The following FGF14 variants were observed in gnomAD, a reference collection of about 807,000 sequenced individuals.
The protein encoded by FGF14 is fibroblast growth factor 14, also known as fibroblast growth factor homologous factor 4.
In FGF14, 5 loss-of-function variants were observed where a neutral mutation model predicts 25.5. The observed-to-expected ratio is 0.20, with a 90% confidence interval of 0.10 to 0.41. The LOEUF (loss-of-function observed/expected upper bound fraction) is 0.41. Among genes scored for constraint, FGF14 ranks in the 10% least tolerant of loss-of-function variants. The pLI is 1.00. For missense variants in FGF14, 222 were observed against 320.1 expected, an observed-to-expected ratio of 0.69 and a Z score of 2.34; for synonymous variants, 138 against 118.3, an observed-to-expected ratio of 1.17 and a Z score of -1.08.
At chr13:102,304,236 C>T (rs746609133) in intron 1 of FGF14, among the ~76,000 whole-genome samples, 2 of 152,070 alleles carry the variant, frequency 1.3e-5, no homozygotes, top group East Asian at 1.9e-4. Flanking sequence ...CTGAACCCCA[C>T]GAACTTCTTG....
At chr13:101,952,786 T>G (rs764613261) in intron 1 of FGF14, among the ~76,000 whole-genome samples, 13 of 152,212 alleles carry the variant, frequency 8.5e-5, no homozygotes, top group Non-Finnish European at 1.8e-4. Context: ...ATCCCAGCAC[T>G]TTAGGAGGCC....
intron 1 of FGF14, among the ~76,000 whole-genome samples, chr13:102,313,205 G>C (rs2055857582): frequency 6.6e-6 from 1 of 152,210 alleles, no homozygotes; most frequent in African/African-American, 2.4e-5. Context: ...CTGTGGGCAG[G>C]GCACTGCTCC....
intron 3 of FGF14, among the ~76,000 whole-genome samples, chr13:101,862,557 A>G (rs2044478916): frequency 6.6e-6 from 1 of 152,134 alleles, no homozygotes; most frequent in Non-Finnish European, 1.5e-5. Flanking sequence ...AGTTAAATGC[A>G]GTTTACTAGC....
At chr13:102,102,270 G>A (rs984297579) in intron 1 of FGF14, among the ~76,000 whole-genome samples, 6 of 152,106 alleles carry the variant, frequency 3.9e-5, no homozygotes, top group Non-Finnish European at 7.4e-5. Context: ...GTTTCTTGTC[G>A]AAAGTCACCA....
intron 1 of FGF14, among the ~76,000 whole-genome samples, chr13:102,278,999 G>C (rs1485593077): frequency 6.6e-6 from 1 of 152,082 alleles, no homozygotes; most frequent in African/African-American, 2.4e-5. Context: ...ATATATATTT[G>C]ACATATATGA....
intron 3 of FGF14, among the ~76,000 whole-genome samples, chr13:101,782,279 T>A (rs2140035720): frequency 6.6e-6 from 1 of 152,374 alleles, no homozygotes; most frequent in Non-Finnish European, 1.5e-5. Context: ...TATGTCTATA[T>A]ATTGCACTTA....
At chr13:102,178,194 C>A (rs575547934) in intron 1 of FGF14, among the ~76,000 whole-genome samples, 2 of 152,198 alleles carry the variant, frequency 1.3e-5, no homozygotes, top group East Asian at 3.9e-4. Flanking sequence ...AAGCCACTGA[C>A]AACAGTGGGA....
Position 101,712,359 on chromosome 13 carries a change from A to C in FGF14, c.*10472T>G, listed in dbSNP as rs1025208290. ...CTGGAATTTACTCATCAAATGTTCT[A>C]TCCATATATGCCATATTAGCTTTAG... On this transcript the variant is annotated 3_prime_UTR_variant, in exon 5 of 5. Coordinates refer to ENST00000376143, the MANE Select transcript of FGF14 (RefSeq NM_004115.4). 6.6e-6 allele frequency: 1 copy of C among 152,210 alleles called. No homozygotes were observed. Among genetic ancestry groups the C allele is most frequent in the Non-Finnish European group, 1.5e-5 (1 of 68,028 alleles). 9.4% of individuals were successfully genotyped at this position (152,210 alleles called of 1,614,324 possible). A position where few individuals can be genotyped will look rare whatever the true frequency, so the allele number is the denominator to read the frequency against.
chr13:102,343,769 GT>G (rs1362365493), intron 1 of FGF14, among the ~76,000 whole-genome samples: 1 of 152,104 alleles, frequency 6.6e-6, no homozygotes, highest in African/African-American at 2.4e-5. Flanking sequence ...AGGTTAATAT[GT>G]TTTTTAATAT....
At chr13:101,805,168 T>C (rs2041124540) in intron 3 of FGF14, among the ~76,000 whole-genome samples, 1 of 152,166 alleles carries the variant, frequency 6.6e-6, no homozygotes, top group African/African-American at 2.4e-5. Flanking sequence ...ATAAAGTGTA[T>C]TTGAAGCCTG....
chr13:102,121,869 T>C (rs2045744049), intron 1 of FGF14, among the ~76,000 whole-genome samples: 1 of 152,188 alleles, frequency 6.6e-6, no homozygotes, highest in Non-Finnish European at 1.5e-5. Context: ...AAATCCAAGA[T>C]GTCTAACATA....
At chr13:101,915,969 C>A (rs1323143378) in intron 1 of FGF14, among the ~76,000 whole-genome samples, 1 of 152,202 alleles carries the variant, frequency 6.6e-6, no homozygotes, top group African/African-American at 2.4e-5. Context: ...GCCAGGATAT[C>A]CACATTTGTC....
intron 3 of FGF14, among the ~76,000 whole-genome samples, chr13:101,816,996 T>G (rs1249707510): frequency 1.3e-5 from 2 of 152,194 alleles, no homozygotes; most frequent in Non-Finnish European, 2.9e-5. Context: ...GTAAAATAAT[T>G]TTTTCTTCTT....
chr13:101,736,530 A>G (rs1340464423), intron 3 of FGF14, among the ~76,000 whole-genome samples: 1 of 152,040 alleles, frequency 6.6e-6, no homozygotes, highest in Non-Finnish European at 1.5e-5. Context: ...GTATTTTATG[A>G]TATTATCTTT....
intron 1 of FGF14, among the ~76,000 whole-genome samples, chr13:102,079,217 C>T (rs1432643531): frequency 6.6e-6 from 1 of 152,108 alleles, no homozygotes; most frequent in Non-Finnish European, 1.5e-5. Flanking sequence ...ACCATGCTCT[C>T]GTTTTTGTTA....
chr13:102,264,431 T>A (rs1396178371), intron 1 of FGF14, among the ~76,000 whole-genome samples: 1 of 152,180 alleles, frequency 6.6e-6, no homozygotes, highest in Non-Finnish European at 1.5e-5. Context: ...TTCAGCTGAT[T>A]GAGTTATATG....
chr13:101,718,269 T>A lies in FGF14; in HGVS notation c.*4562A>T, dbSNP rs2034799158. 1 of 152,090 alleles carries A rather than the reference T, an allele frequency of 6.6e-6. No homozygotes were observed. Among genetic ancestry groups the A allele is most frequent in the African/African-American group, 2.4e-5 (1 of 41,446 alleles). 9.4% of individuals were successfully genotyped at this position (152,090 alleles called of 1,614,324 possible). On this transcript the variant is annotated 3_prime_UTR_variant, in exon 5 of 5. Transcript: ENST00000376143. ...GTATGTGTGGTTTTGATGCCAGCAA[T>A]GCAAACACCAATATATCTATTAAGA...
At chr13:101,819,870 T>C (rs1391963411) in intron 3 of FGF14, among the ~76,000 whole-genome samples, 2 of 152,168 alleles carry the variant, frequency 1.3e-5, no homozygotes, top group East Asian at 3.9e-4. Flanking sequence ...CCTCTGATGT[T>C]GAGGGCATCC....
intron 3 of FGF14, among the ~76,000 whole-genome samples, chr13:101,776,679 G>A (rs139793712): frequency 1.1e-3 from 171 of 152,242 alleles, no homozygotes; most frequent in African/African-American, 3.8e-3. Context: ...AGATCTGGTC[G>A]CATGAAGCAT....
Sources: allele counts gnomAD v4.1 joint callset (sites outside exome capture counted in the v4.1 genomes callset), GRCh38; gene constraint gnomAD v4.1.1; transcripts MANE v1.5; gene names NCBI Gene and HGNC (gene_info 2026-07-23, HGNC 2026-07-21).